Variants in UBALD1 observed in about 807,000 individuals in gnomAD.
The protein encoded by UBALD1 is UBA-like domain-containing protein 1.
Under a neutral mutation model 16.1 loss-of-function variants are expected in UBALD1, and 5 were observed. The observed-to-expected ratio is 0.31, with a 90% CI of 0.16 to 0.66. The LOEUF (loss-of-function observed/expected upper bound fraction) is 0.66, where lower values mean the gene tolerates loss of function less well. Ranked by LOEUF, UBALD1 falls within the 30% of genes least tolerant of loss-of-function variation. UBALD1 has a pLI of 0.77. For missense variants in UBALD1, 220 were observed against 252.8 expected (o/e 0.87, Z 0.88); for synonymous variants, 146 against 105.3 (o/e 1.39, Z -2.37).
chr16:4,614,467 TC>T, intron 1 of UBALD1: 1 of 716,808 alleles, frequency 1.4e-6, no homozygotes, highest in South Asian at 3.1e-5. Flanking sequence ...GGGCGGCGTA[TC>T]CCCGACCGGT....
intron 1 of UBALD1, chr16:4,614,406 A>AG (rs1897396875): frequency 1.3e-5 from 4 of 307,722 alleles, no homozygotes; most frequent in Non-Finnish European, 2.2e-5. Flanking sequence ...CCCGGACAAA[A>AG]GGGGTGGGGG....
rs1226108767 is a variant in UBALD1 at position 4,609,866 on chromosome 16, C to T, written c.301G>A (p.Ala101Thr). 6.5e-7 allele frequency: 1 copy of T among 1,528,700 alleles called. No homozygotes were observed. Among genetic ancestry groups the T allele is most frequent in the Non-Finnish European group, 8.8e-7 (1 of 1,137,206 alleles). 94.7% of individuals were successfully genotyped at this position (1,528,700 alleles called of 1,614,324 possible). Residue 101 changes from alanine to threonine, a missense_variant, in exon 3 of 3, where the codon GCC (alanine) becomes ACC (threonine). Ala to Thr is a moderately conservative substitution (Grantham distance 58). Coordinates refer to ENST00000283474, the MANE Select transcript of UBALD1 (RefSeq NM_145253.3). ...GGCGGGGGTGACGTGGCTGTCGCGGCCATCGGGCTGCCGCTGCCACCGCTG... is the reference window on the plus strand; with the variant it reads ...GGCGGGGGTGACGTGGCTGTCGCGGTCATCGGGCTGCCGCTGCCACCGCTG... ...FHSGGSGSPMAATATSPPPHF... is the reference protein window; with the variant it reads ...FHSGGSGSPMTATATSPPPHF...
chr16:4,612,188 C>T (rs550386871), intron 1 of UBALD1, among the ~76,000 whole-genome samples: 86 of 151,810 alleles, frequency 5.7e-4, no homozygotes, highest in African/African-American at 2.0e-3. Context: ...CTCAGCCTCC[C>T]GAGTAGCTGG....
chr16:4,610,255 A>AGGG, intron 2 of UBALD1: 2 of 712,834 alleles, frequency 2.8e-6, no homozygotes, highest in Non-Finnish European at 5.1e-6. Context: ...CGGGGGCTGT[A>AGGG]GGGTAAGGAG....
At position 4,609,717 on chromosome 16, in the gene UBALD1, A is replaced by C; in HGVS notation, c.450T>G (p.Ser150=). The C allele has an allele frequency of 6.8e-7, 1 of 1,479,598 alleles. No individual in the cohort carries two copies. Among genetic ancestry groups the C allele is most frequent in the Non-Finnish European group, 9.0e-7 (1 of 1,116,906 alleles). The allele number at this position is 1,479,598 out of a possible 1,614,324, so 91.7% of individuals were successfully genotyped here. A position where few individuals can be genotyped will look rare whatever the true frequency, so the allele number is the denominator to read the frequency against. The change falls in exon 3 of 3, where the codon TCT becomes TCG. Residue 150 remains serine (S), a synonymous_variant. Coordinates refer to ENST00000283474, the MANE Select transcript of UBALD1 (RefSeq NM_145253.3). ...QPPLWTPTPP[S]PASDWPPLAP... Reference sequence around the variant, plus strand: ...CCAGGGGTGGCCAGTCTGAAGCCGGAGAAGGGGGTGTTGGAGTCCACAGGG... The same window carrying C: ...CCAGGGGTGGCCAGTCTGAAGCCGGCGAAGGGGGTGTTGGAGTCCACAGGG...
chr16:4,614,087 T>G (rs935824506), intron 1 of UBALD1: 2 of 163,424 alleles, frequency 1.2e-5, no homozygotes, highest in East Asian at 1.7e-4. Context: ...ACCCGCCACA[T>G]GTGTACGCGT....
intron 1 of UBALD1, chr16:4,614,433 C>A: frequency 2.0e-6 from 1 of 498,990 alleles, no homozygotes; most frequent in South Asian, 4.6e-5. Flanking sequence ...CCGTCTCGAT[C>A]CCGGGGGACT....
Position 4,614,378 on chromosome 16 carries a change from C to G in UBALD1, c.120+300G>C. The G allele has an allele frequency of 5.4e-6, 2 of 373,558 alleles. 1 individual carries two copies. Among genetic ancestry groups the G allele is most frequent in the Non-Finnish European group, 9.4e-6 (2 of 212,592 alleles). The allele number at this position is 373,558 out of a possible 1,614,324, so 23.1% of individuals were successfully genotyped here. A position where few individuals can be genotyped will look rare whatever the true frequency, so the allele number is the denominator to read the frequency against. ...ACTGTCCGTCTGCACCGCGGGGCCG[C>G]CCGGCCCTCGGCCGTTACCCGGACA... On this transcript the variant is annotated intron_variant, in intron 1 of 2. Transcript: ENST00000283474.
chr16:4,610,905 G>C (rs574114850), intron 1 of UBALD1: 1 of 420,064 alleles, frequency 2.4e-6, no homozygotes, highest in Non-Finnish European at 4.2e-6. Flanking sequence ...GGGGAAAGGC[G>C]CCCGGCCCCA....
At position 4,609,480 on chromosome 16, in the gene UBALD1, G is replaced by C. The variant is rs917429390; in HGVS notation, c.*153C>G. 2.4e-6 allele frequency: 1 copy of C among 417,112 alleles called. No homozygotes were observed. Among genetic ancestry groups the C allele is most frequent in the Non-Finnish European group, 4.2e-6 (1 of 239,902 alleles). 25.8% of individuals were successfully genotyped at this position (417,112 alleles called of 1,614,324 possible). On this transcript the variant is annotated 3_prime_UTR_variant, in exon 3 of 3. Transcript: ENST00000283474. The stretch of plus-strand genomic sequence containing the variant: ...TGGGCAGCTGCGTGTTCTGGCACCA[G>C]ACGTGTCCCTGCCTGGCTAGAGTCC...
intron 1 of UBALD1, chr16:4,614,476 G>T (rs1045999085): frequency 2.4e-6 from 2 of 816,442 alleles, no homozygotes; most frequent in Non-Finnish European, 1.7e-6. Flanking sequence ...ATCCCCGACC[G>T]GTGGCCCGGT....
In UBALD1 at chr16:4,612,406, A is replaced by G. The variant is rs781588516; in HGVS notation, c.121-1851T>C. ...ATGAATTATGTGGGGAATTTCCTGC[A>G]GGAGACACCCTATCTGGGTGTCCCT... On this transcript the variant is annotated intron_variant, in intron 1 of 2. Coordinates refer to ENST00000283474, the MANE Select transcript of UBALD1 (RefSeq NM_145253.3). Among the ~76,000 whole-genome samples, 229 of 152,192 alleles carry G rather than the reference A, an allele frequency of 1.5e-3. 2 individuals are homozygous for G. The highest frequency in any genetic ancestry group is 1.1e-3 in the Non-Finnish European group (72 of 67,996).
intron 2 of UBALD1, 196 bp from the exon 3 acceptor site, chr16:4,610,179 G>A (rs772095605): frequency 3.3e-5 from 24 of 717,546 alleles, no homozygotes; most frequent in African/African-American, 2.8e-4. Flanking sequence ...TCACTCTCAG[G>A]AGCCCACGGT....
At chr16:4,612,527 C>G (rs891196455) in intron 1 of UBALD1, among the ~76,000 whole-genome samples, 9 of 152,094 alleles carry the variant, frequency 5.9e-5, no homozygotes, top group African/African-American at 2.2e-4. Flanking sequence ...CCCCAAAGCC[C>G]AGGCTCACTG....
At position 4,609,897 on chromosome 16, in the gene UBALD1, G is replaced by A. The variant is rs376025980; in HGVS notation, c.270C>T (p.Ser90=). ...TMFSRLKASE[S]FHSGGSGSPM... ...GGCTGCCGCTGCCACCGCTGTGGAA[G>A]CTCTCGGAGGCCTTGAGACGGGAGA... Residue 90 remains serine, a synonymous_variant, in exon 3 of 3, where the codon AGC becomes AGT. Transcript: ENST00000283474. 124 of 1,578,954 alleles carry A rather than the reference G, an allele frequency of 7.9e-5. No homozygotes were observed. The African/African-American group carries it at 1.5e-3, about 19-fold the overall frequency.
At position 4,609,383 on chromosome 16, in the gene UBALD1, C is replaced by G; in HGVS notation, c.*250G>C. Reference sequence around the variant, plus strand: ...GGAAGGCTGCGTGGTCTCTGAAGTTCTGTCCGCCAGGCACCCAGGCCGCGC... The same window carrying G: ...GGAAGGCTGCGTGGTCTCTGAAGTTGTGTCCGCCAGGCACCCAGGCCGCGC... On this transcript the variant is annotated 3_prime_UTR_variant, in exon 3 of 3. Coordinates refer to ENST00000283474, the MANE Select transcript of UBALD1 (RefSeq NM_145253.3). 1 of 378,114 alleles carries G rather than the reference C, an allele frequency of 2.6e-6. No individual in the cohort carries two copies. The highest frequency in any genetic ancestry group is 4.7e-6 in the Non-Finnish European group (1 of 213,588). The allele number at this position is 378,114 out of a possible 1,614,324, so 23.4% of individuals were successfully genotyped here.
rs1199111356 is a variant in UBALD1 at position 4,614,192 on chromosome 16, T to G, written c.120+486A>C. The G allele has an allele frequency of 1.5e-5, 4 of 273,582 alleles. No individual in the cohort carries two copies. The East Asian group carries it at 2.5e-4, about 17-fold the overall frequency. The allele number at this position is 273,582 out of a possible 1,614,324, so 16.9% of individuals were successfully genotyped here. A position where few individuals can be genotyped will look rare whatever the true frequency, so the allele number is the denominator to read the frequency against. ...CCTCCCCGGTGCCCGGCCGACGCCG[T>G]GGCGCGGTGCGTGCGTAAACACAAA... On this transcript the variant is annotated intron_variant, in intron 1 of 2. Transcript: ENST00000283474.
chr16:4,613,904 G>A (rs1897388584), intron 1 of UBALD1: 1 of 152,460 alleles, frequency 6.6e-6, no homozygotes, highest in South Asian at 2.1e-4. Flanking sequence ...AGGGACAGAT[G>A]CCCCTGCCAG....
chr16:4,609,331 G>A lies in UBALD1; in HGVS notation c.*302C>T, dbSNP rs1374972149. On this transcript the variant is annotated 3_prime_UTR_variant, in exon 3 of 3. Coordinates refer to ENST00000283474, the MANE Select transcript of UBALD1 (RefSeq NM_145253.3). Reference sequence around the variant, plus strand: ...GGGTGGTCCTCCACGGCACCCCTGGGCTGGGCTGGGCAGGTGCGTCTTCGA... The same window carrying A: ...GGGTGGTCCTCCACGGCACCCCTGGACTGGGCTGGGCAGGTGCGTCTTCGA... The A allele has an allele frequency of 6.6e-6, 2 of 301,360 alleles. No individual in the cohort carries two copies. Among genetic ancestry groups the A allele is most frequent in the East Asian group, 5.3e-5 (1 of 18,768 alleles). 18.7% of individuals were successfully genotyped at this position (301,360 alleles called of 1,614,324 possible).
Sources: allele counts gnomAD v4.1 joint callset (sites outside exome capture counted in the v4.1 genomes callset), GRCh38; gene constraint gnomAD v4.1.1; transcripts MANE v1.5; gene names NCBI Gene and HGNC (gene_info 2026-07-23, HGNC 2026-07-21).